UGT1A9: variants seen among roughly 807,000 people sequenced by gnomAD.
The protein encoded by UGT1A9 is UDP-glucuronosyltransferase 1A9.
UGT1A9 carries 35 observed loss-of-function variants against 45.0 expected under a neutral mutation model. The observed-to-expected ratio is 0.78, with a 90% CI of 0.59 to 1.03. UGT1A9 has a LOEUF of 1.03. UGT1A9 is among the 50% of genes least tolerant of loss of function. The pLI is 0.00. For missense variants in UGT1A9, 687 were observed against 666.6 expected, an observed-to-expected ratio of 1.03 and a Z score of -0.34; for synonymous variants, 278 against 250.6, an observed-to-expected ratio of 1.11 and a Z score of -1.03.
chr2:233,766,431 T>C (rs2126025401), intron 1 of UGT1A9, among the ~76,000 whole-genome samples: 1 of 152,314 alleles, frequency 6.6e-6, no homozygotes, highest in Middle Eastern at 3.4e-3. Context: ...GATGTCCAGC[T>C]ACCTGTGTGT....
chr2:233,704,935 A>T (rs931417654), intron 1 of UGT1A9, among the ~76,000 whole-genome samples: 3 of 152,162 alleles, frequency 2.0e-5, no homozygotes, highest in Non-Finnish European at 4.4e-5. Flanking sequence ...GCCTAGATCA[A>T]GACCAGCCTG....
Position 233,755,093 on chromosome 2 carries a change from C to G in UGT1A9, c.856-11941C>G, listed in dbSNP as rs566230339. On this transcript the variant is annotated intron_variant, in intron 1 of 4. Transcript: ENST00000354728. ...AGCGGTCATAGATATCGCGTTTCTA[C>G]GCGTCCGACAACACCTCGTAGGCCT... The G allele has an allele frequency of 5.8e-4, 775 of 1,335,150 alleles. 7 individuals carry two copies. Among genetic ancestry groups the G allele is most frequent in the Non-Finnish European group, 7.2e-4 (713 of 992,692 alleles). The allele number at this position is 1,335,150 out of a possible 1,614,324, so 82.7% of individuals were successfully genotyped here. A position where few individuals can be genotyped will look rare whatever the true frequency, so the allele number is the denominator to read the frequency against.
intron 1 of UGT1A9, among the ~76,000 whole-genome samples, chr2:233,680,109 G>A (rs1170091981): frequency 1.3e-5 from 2 of 151,980 alleles, no homozygotes; most frequent in Admixed American, 1.3e-4. Context: ...TAGCGGCAGA[G>A]CTCAATCTAC....
At chr2:233,686,167 T>C (rs1171566476) in intron 1 of UGT1A9, among the ~76,000 whole-genome samples, 2 of 151,930 alleles carry the variant, frequency 1.3e-5, no homozygotes, top group African/African-American at 2.4e-5. Flanking sequence ...AAGACCTAAA[T>C]AGAAAATCTA....
At chr2:233,682,742 A>G (rs774087755) in intron 1 of UGT1A9, 3 of 1,613,950 alleles carry the variant, frequency 1.9e-6, no homozygotes, top group Non-Finnish European at 2.5e-6. Flanking sequence ...GATGCCCAAT[A>G]TGATCTTCAT....
chr2:233,718,135 A>C, intron 1 of UGT1A9: 1 of 229,592 alleles, frequency 4.4e-6, no homozygotes, highest in Non-Finnish European at 9.1e-6. Flanking sequence ...GTAGATGGAG[A>C]ATCCTCAATA....
At chr2:233,694,526 C>T (rs1490198137) in intron 1 of UGT1A9, among the ~76,000 whole-genome samples, 2 of 152,070 alleles carry the variant, frequency 1.3e-5, no homozygotes, top group Non-Finnish European at 2.9e-5. Context: ...AGGAAAAGGG[C>T]CCAGAGTTAC....
intron 1 of UGT1A9, chr2:233,747,354 G>A (rs753872482): frequency 3.1e-5 from 49 of 1,602,390 alleles, no homozygotes; most frequent in African/African-American, 2.7e-4. Flanking sequence ...GCGGGAGGCC[G>A]TGCGGGAGCT....
chr2:233,682,587 A>T (rs2074585557), intron 1 of UGT1A9: 1 of 1,613,766 alleles, frequency 6.2e-7, no homozygotes. Context: ...TTGGAGGAAC[A>T]TTTATTTTGC....
Position 233,700,676 on chromosome 2 carries a change from G to A in UGT1A9, c.855+27887G>A, listed in dbSNP as rs559449126. On this transcript the variant is annotated intron_variant, in intron 1 of 4. Transcript: ENST00000354728. ...TATTTCTACTTTTCAGCACAAATTC[G>A]TGATAATATATAAACTACACTTTGA... is the stretch of plus-strand genomic sequence containing the variant. Among the ~76,000 whole-genome samples the A allele has an allele frequency of 6.6e-5, 10 of 151,838 alleles. 1 individual carries two copies. In the South Asian group the frequency reaches 1.7e-3, roughly 25 times the overall value.
At chr2:233,697,583 G>T in intron 1 of UGT1A9, among the ~76,000 whole-genome samples, 1 of 146,206 alleles carries the variant, frequency 6.8e-6, no homozygotes, top group Non-Finnish European at 1.5e-5. Flanking sequence ...TTTTTTCCCT[G>T]ATCTTTATTA....
intron 1 of UGT1A9, among the ~76,000 whole-genome samples, chr2:233,723,073 C>A (rs1176866455): frequency 2.1e-5 from 3 of 141,128 alleles, no homozygotes; most frequent in Non-Finnish European, 3.0e-5. Flanking sequence ...GGAAATATAT[C>A]ATCATTTTTG....
chr2:233,720,424 T>A (rs1382226869), intron 1 of UGT1A9, among the ~76,000 whole-genome samples: 3 of 151,922 alleles, frequency 2.0e-5, no homozygotes, highest in African/African-American at 7.3e-5. Flanking sequence ...AGGGAGGAGA[T>A]AAGACCGTGA....
intron 1 of UGT1A9, among the ~76,000 whole-genome samples, chr2:233,687,918 A>C (rs557548232): frequency 3.3e-5 from 5 of 152,284 alleles, no homozygotes; most frequent in African/African-American, 1.2e-4. Flanking sequence ...AAAATAAATA[A>C]ATCAATAAAT....
chr2:233,714,286 T>C (rs551165794), intron 1 of UGT1A9, among the ~76,000 whole-genome samples: 1 of 152,310 alleles, frequency 6.6e-6, no homozygotes, highest in South Asian at 2.1e-4. Context: ...CAATTTTTAG[T>C]GGTCCCATCT....
chr2:233,730,218 T>C (rs2078001973), intron 1 of UGT1A9, among the ~76,000 whole-genome samples: 1 of 152,086 alleles, frequency 6.6e-6, no homozygotes, highest in Admixed American at 6.5e-5. Context: ...ACACGAATGT[T>C]TGTAAAAGGA....
At chr2:233,721,017 C>T (rs1165667415) in intron 1 of UGT1A9, among the ~76,000 whole-genome samples, 3 of 151,958 alleles carry the variant, frequency 2.0e-5, no homozygotes, top group Admixed American at 6.6e-5. Flanking sequence ...AGTGAGGGAG[C>T]CATCTTTCTT....
intron 1 of UGT1A9, among the ~76,000 whole-genome samples, chr2:233,727,580 T>C (rs17863793): frequency 3.9e-5 from 6 of 152,020 alleles, no homozygotes; most frequent in African/African-American, 1.4e-4. Flanking sequence ...TTAGGAAGCA[T>C]ATAGTTTTAA....
rs559155778 is a variant in UGT1A9 at position 233,769,190 on chromosome 2, G to A, written c.1295+751G>A. Among the ~76,000 whole-genome samples, 1 of 152,304 alleles carries A rather than the reference G, an allele frequency of 6.6e-6. No homozygotes were observed. The highest frequency in any genetic ancestry group is 2.4e-5 in the African/African-American group (1 of 41,564). ...GTCCATGGAGTTTATGAATGAAGGA[G>A]CTATAAGATATCACAGACAAAGTCT... On this transcript the variant is annotated intron_variant, in intron 4 of 4. Transcript: ENST00000354728. The surrounding 1 kb of genome is among the most constrained non-coding windows in gnomAD (Gnocchi z 4.4).
Sources: gnomAD v4.1 joint callset for allele counts (sites outside exome capture counted in the v4.1 genomes callset) on GRCh38, gnomAD v4.1.1 for gene constraint, Gnocchi (gnomAD v3.1) non-coding constraint, MANE v1.5 for transcripts, NCBI Gene and HGNC (gene_info 2026-07-23, HGNC 2026-07-21) for gene names.